The following DHRS7B variants were observed in gnomAD, a reference collection of about 807,000 sequenced individuals.
DHRS7B encodes peroxisomal reductase activating PPAR-gamma.
DHRS7B carries 24 observed loss-of-function variants against 26.4 expected under a neutral mutation model. The observed-to-expected ratio is 0.91, with a 90% CI of 0.66 to 1.28. The LOEUF is 1.28. Among genes scored for constraint, DHRS7B ranks in the 50% most tolerant of loss-of-function variants. The pLI, the probability that DHRS7B is intolerant of heterozygous loss-of-function variation, is 0.00. For synonymous variants in DHRS7B, 142 were observed against 166.4 expected, an observed-to-expected ratio of 0.85 and a Z score of 1.13; for missense variants, 368 against 419.4, an observed-to-expected ratio of 0.88 and a Z score of 1.07.
At chr17:21,188,666 C>A in intron 5 of DHRS7B, 45 bp from the exon 6 acceptor site, 1 of 1,528,824 alleles carries the variant, frequency 6.5e-7, no homozygotes, top group South Asian at 1.3e-5. Context: ...AGGCCATGCC[C>A]ACCCCAGCGC....
chr17:21,185,222 A>G (rs1242373816), intron 5 of DHRS7B, among the ~76,000 whole-genome samples: 1 of 152,242 alleles, frequency 6.6e-6, no homozygotes, highest in Non-Finnish European at 1.5e-5. Flanking sequence ...GAAAGGAAAT[A>G]CTGCCTATAC....
In DHRS7B at chr17:21,173,529, T is replaced by C. The variant is rs75015373; in HGVS notation, c.199+1333T>C. Among the ~76,000 whole-genome samples the C allele has an allele frequency of 5.2e-3, 790 of 152,242 alleles. 1 individual carries two copies. The highest frequency in any genetic ancestry group is 7.5e-3 in the Non-Finnish European group (511 of 68,010). On this transcript the variant is annotated intron_variant, in intron 2 of 6. Coordinates refer to ENST00000395511, the MANE Select transcript of DHRS7B (RefSeq NM_015510.5). ...CACGGTCCTGTAGGGACTTATACAG[T>C]TGGGTGTTGCATGAACACAGAGAGG...
Position 21,178,277 on chromosome 17 carries a change from T to C in DHRS7B, c.244T>C (p.Cys82Arg). The C allele has an allele frequency of 6.2e-7, 1 of 1,614,260 alleles. No homozygotes were observed. ...FYAAGAKLVL[C>R]GRNGGALEEL... ...TGCTGCGGGTGCTAAACTGGTGCTC[T>C]GTGGCCGGAATGGTGGGGCCCTAGA... Residue 82 changes from cysteine (C) to arginine (R), a missense_variant, in exon 3 of 7, where the codon TGT becomes CGT. Physicochemically the swap from Cys to Arg is radical, Grantham distance 180 (BLOSUM62 -3). Coordinates refer to ENST00000395511, the MANE Select transcript of DHRS7B (RefSeq NM_015510.5).
chr17:21,138,514 C>T (rs183088205), intron 1 of DHRS7B, among the ~76,000 whole-genome samples: 11 of 152,096 alleles, frequency 7.2e-5, no homozygotes, highest in African/African-American at 1.7e-4. Context: ...TGAGCCACCG[C>T]GCCTGGCAAC....
intron 6 of DHRS7B, among the ~76,000 whole-genome samples, chr17:21,190,399 AG>A (rs1234111626): frequency 6.6e-6 from 1 of 152,218 alleles, no homozygotes; most frequent in East Asian, 1.9e-4. Flanking sequence ...CATCGAGAAC[AG>A]GGACATCTGT....
chr17:21,151,527 AAAG>A (rs1597738945), intron 1 of DHRS7B, among the ~76,000 whole-genome samples: 1 of 151,882 alleles, frequency 6.6e-6, no homozygotes, highest in East Asian at 1.9e-4. Flanking sequence ...AAAAAAAAAA[AAAG>A]AAGTTGCCAC....
At chr17:21,131,752 C>A (rs1262147835) in intron 1 of DHRS7B, among the ~76,000 whole-genome samples, 1 of 152,158 alleles carries the variant, frequency 6.6e-6, no homozygotes, top group East Asian at 1.9e-4. Context: ...CCTTGCTGTA[C>A]TTAGCTAGTG....
At chr17:21,143,828 C>T (rs1262826383) in intron 1 of DHRS7B, among the ~76,000 whole-genome samples, 5 of 152,320 alleles carry the variant, frequency 3.3e-5, no homozygotes, top group East Asian at 1.9e-4. Context: ...TTACTGAAAA[C>T]GAGAAGATTA....
chr17:21,149,435 A>G (rs953357223), intron 1 of DHRS7B, among the ~76,000 whole-genome samples: 17 of 152,208 alleles, frequency 1.1e-4, no homozygotes, highest in African/African-American at 4.1e-4. Flanking sequence ...CCACTGATAA[A>G]GTTAAGTACG....
chr17:21,141,250 C>CA (rs1348576970), intron 1 of DHRS7B, among the ~76,000 whole-genome samples: 3 of 152,154 alleles, frequency 2.0e-5, no homozygotes, highest in Admixed American at 2.0e-4. Flanking sequence ...AGGAGCAAAA[C>CA]ACCCTTTTTC....
intron 1 of DHRS7B, chr17:21,166,078 G>T: frequency 2.3e-6 from 2 of 881,970 alleles, no homozygotes; most frequent in Non-Finnish European, 2.7e-6. Flanking sequence ...CCGCACTCCT[G>T]TGCCATCATA....
intron 3 of DHRS7B, among the ~76,000 whole-genome samples, chr17:21,179,504 GCA>G (rs1228991376): frequency 3.2e-4 from 49 of 152,108 alleles, no homozygotes; most frequent in Non-Finnish European, 6.8e-4. Flanking sequence ...GAAGGCTGAG[GCA>G]GCAGAATCAC....
At chr17:21,142,099 C>T (rs780140435) in intron 1 of DHRS7B, among the ~76,000 whole-genome samples, 4 of 152,150 alleles carry the variant, frequency 2.6e-5, no homozygotes, top group African/African-American at 7.2e-5. Flanking sequence ...CTGGGAGCAT[C>T]GGCAGGCTAG....
intron 1 of DHRS7B, among the ~76,000 whole-genome samples, chr17:21,154,857 T>C (rs921741078): frequency 1.3e-5 from 2 of 152,226 alleles, no homozygotes; most frequent in African/African-American, 4.8e-5. Flanking sequence ...TTTGTTATTA[T>C]ATGATACTTG....
intron 3 of DHRS7B, among the ~76,000 whole-genome samples, chr17:21,179,554 C>G (rs978323288): frequency 6.6e-6 from 1 of 152,006 alleles, no homozygotes. Flanking sequence ...GAACCAAGAT[C>G]GCACCACTGC....
Position 21,168,892 on chromosome 17 carries a change from G to A in DHRS7B, c.21-3126G>A, listed in dbSNP as rs1044749849. The A allele has an allele frequency of 1.3e-5, 13 of 985,352 alleles. 1 individual carries two copies. The highest frequency in any genetic ancestry group is 1.2e-4 in the African/African-American group (7 of 57,254). The allele number at this position is 985,352 out of a possible 1,614,324, so 61.0% of individuals were successfully genotyped here. Reference sequence around the variant, plus strand: ...AAGGAATCCCAGAAGTGTACAAGACGGTGTGTAGTTTTCGCTCTTTTCTTC... The same window carrying A: ...AAGGAATCCCAGAAGTGTACAAGACAGTGTGTAGTTTTCGCTCTTTTCTTC... On this transcript the variant is annotated intron_variant, in intron 1 of 6. Transcript: ENST00000395511.
chr17:21,186,768 C>G (rs950947833), intron 5 of DHRS7B, among the ~76,000 whole-genome samples: 2 of 152,230 alleles, frequency 1.3e-5, no homozygotes, highest in African/African-American at 4.8e-5. Flanking sequence ...GCACCTTTTA[C>G]CGGGTTGTGA....
At chr17:21,179,996 C>G (rs971185146) in intron 3 of DHRS7B, among the ~76,000 whole-genome samples, 1 of 151,328 alleles carries the variant, frequency 6.6e-6, no homozygotes, top group Admixed American at 6.6e-5. Context: ...TAACTCCCGA[C>G]CTCAGGCGAT....
intron 1 of DHRS7B, among the ~76,000 whole-genome samples, chr17:21,145,331 AAAAG>A (rs936626642): frequency 1.3e-5 from 2 of 152,204 alleles, no homozygotes; most frequent in African/African-American, 4.8e-5. Flanking sequence ...CTAAAAAAAA[AAAAG>A]AAAATCAACC....
Sources: allele counts gnomAD v4.1 joint callset (sites outside exome capture counted in the v4.1 genomes callset), GRCh38; gene constraint gnomAD v4.1.1; transcripts MANE v1.5; gene names NCBI Gene and HGNC (gene_info 2026-07-23, HGNC 2026-07-21).